APP: variants seen among roughly 807,000 people sequenced by gnomAD.
APP encodes the protein amyloid beta precursor protein, also known as amyloid-beta precursor protein.
Under a neutral mutation model 101.4 loss-of-function variants are expected in APP, and 31 were observed. The observed-to-expected ratio is 0.31, with a 90% CI of 0.23 to 0.41. The LOEUF (loss-of-function observed/expected upper bound fraction) is 0.41. Ranked by LOEUF, APP falls within the 10% of genes least tolerant of loss-of-function variation. The probability of loss-of-function intolerance (pLI) is 1.00; values close to 1 mark genes in which losing one functional copy is unlikely to be tolerated. For missense variants in APP, 839 were observed against 1,003.7 expected, an observed-to-expected ratio of 0.84 and a Z score of 2.22; for synonymous variants, 366 against 364.4, an observed-to-expected ratio of 1.00 and a Z score of -0.05.
At chr21:25,897,542 G>A (rs779336069) in intron 16 of APP, 31 bp downstream of exon 16, 7 of 1,504,034 alleles carry the variant, frequency 4.7e-6, no homozygotes, top group Non-Finnish European at 6.5e-6. Context: ...AAGACAAACA[G>A]TAGTGGAAAG....
intron 6 of APP, among the ~76,000 whole-genome samples, chr21:26,018,662 T>C (rs184731736): frequency 4.6e-5 from 7 of 152,338 alleles, no homozygotes; most frequent in Admixed American, 3.9e-4. Flanking sequence ...TTAGAGCTTT[T>C]GTTCAGGAGT....
At chr21:26,008,660 C>G (rs770266106) in intron 6 of APP, among the ~76,000 whole-genome samples, 2 of 152,130 alleles carry the variant, frequency 1.3e-5, no homozygotes, top group Non-Finnish European at 2.9e-5. Flanking sequence ...TACAGGCTAG[C>G]AGGAGTTGGC....
intron 8 of APP, among the ~76,000 whole-genome samples, chr21:25,994,941 C>T (rs2042996754): frequency 6.6e-6 from 1 of 152,212 alleles, no homozygotes; most frequent in African/African-American, 2.4e-5. Flanking sequence ...CCTTCACTTG[C>T]TGTGATTGAA....
At chr21:26,168,944 C>G (rs1292534079) in intron 1 of APP, among the ~76,000 whole-genome samples, 1 of 152,116 alleles carries the variant, frequency 6.6e-6, no homozygotes, top group African/African-American at 2.4e-5. Context: ...AGTGGAATTA[C>G]AGGAAAACAT....
At chr21:26,088,798 A>G (rs2146107182) in intron 3 of APP, among the ~76,000 whole-genome samples, 1 of 152,338 alleles carries the variant, frequency 6.6e-6, no homozygotes, top group Middle Eastern at 3.4e-3. Context: ...GGAAAAAGGA[A>G]ACTCTTGAAT....
intron 8 of APP, among the ~76,000 whole-genome samples, chr21:25,994,173 C>A (rs954699038): frequency 6.6e-6 from 1 of 152,114 alleles, no homozygotes; most frequent in East Asian, 1.9e-4. Flanking sequence ...ATAAATGAAT[C>A]CACAAATATT....
At chr21:26,002,778 A>G (rs989114045) in intron 6 of APP, among the ~76,000 whole-genome samples, 13 of 149,578 alleles carry the variant, frequency 8.7e-5, no homozygotes, top group Non-Finnish European at 1.5e-4. Flanking sequence ...GGCATTAAAA[A>G]AAAGTATCAT....
At chr21:26,119,110 C>T (rs963819839) in intron 1 of APP, among the ~76,000 whole-genome samples, 24 of 152,114 alleles carry the variant, frequency 1.6e-4, no homozygotes, top group Admixed American at 1.4e-3. Flanking sequence ...ATCAGAAGGG[C>T]TCAAAACCCG....
chr21:25,954,919 T>C (rs1294686312), intron 12 of APP, among the ~76,000 whole-genome samples: 1 of 45,240 alleles, frequency 2.2e-5, no homozygotes, highest in Non-Finnish European at 4.2e-5. Context: ...TGTTCTCCTA[T>C]TTCTGTTCTC....
At chr21:26,025,155 C>T (rs937504169) in intron 5 of APP, among the ~76,000 whole-genome samples, 2 of 152,118 alleles carry the variant, frequency 1.3e-5, no homozygotes, top group Admixed American at 6.5e-5. Context: ...AAGTTTACTA[C>T]GTGGGGCTAC....
chr21:26,108,193 G>T (rs770148251), intron 2 of APP, among the ~76,000 whole-genome samples: 2 of 152,148 alleles, frequency 1.3e-5, no homozygotes, highest in African/African-American at 4.8e-5. Flanking sequence ...TTTCCTCACT[G>T]CCACGTGAAA....
chr21:26,097,239 C>T (rs2061962506), intron 2 of APP, among the ~76,000 whole-genome samples: 1 of 152,148 alleles, frequency 6.6e-6, no homozygotes. Flanking sequence ...GATCCCTGAC[C>T]ACTTGCTACC....
intron 13 of APP, among the ~76,000 whole-genome samples, chr21:25,922,479 C>A (rs2039676621): frequency 1.5e-5 from 1 of 65,586 alleles, no homozygotes; most frequent in Admixed American, 2.1e-4. Flanking sequence ...CTAGAAAACC[C>A]CATTGTCTCA....
intron 6 of APP, among the ~76,000 whole-genome samples, chr21:26,013,644 T>C (rs906710795): frequency 6.6e-6 from 1 of 152,110 alleles, no homozygotes; most frequent in Non-Finnish European, 1.5e-5. Flanking sequence ...CTTCTGCTAT[T>C]CTATTTTTTT....
At chr21:26,007,467 CAATATATAATTAT>C (rs2043586814) in intron 6 of APP, among the ~76,000 whole-genome samples, 1 of 146,400 alleles carries the variant, frequency 6.8e-6, no homozygotes, top group Non-Finnish European at 1.5e-5. Flanking sequence ...CTATATATTA[CAATATATAATTAT>C]ATAATACAAT....
chr21:25,894,567 G>A (rs981085782), intron 16 of APP, among the ~76,000 whole-genome samples: 1 of 152,154 alleles, frequency 6.6e-6, no homozygotes, highest in Non-Finnish European at 1.5e-5. Flanking sequence ...CAGATGTGGT[G>A]GAAATAACAA....
At chr21:25,954,518 A>T in intron 13 of APP, 72 bp downstream of exon 13, 6 of 1,232,664 alleles carry the variant, frequency 4.9e-6, no homozygotes, top group Non-Finnish European at 7.1e-6. Context: ...CAAACAGATA[A>T]CTCACTTCCT....
chr21:26,106,257 C>A (rs1037998995), intron 2 of APP, among the ~76,000 whole-genome samples: 8 of 152,160 alleles, frequency 5.3e-5, no homozygotes, highest in Non-Finnish European at 1.2e-4. Flanking sequence ...GCAGTACTGA[C>A]CCTCGGTTCC....
chr21:26,132,602 T>C (rs1373859773), intron 1 of APP, among the ~76,000 whole-genome samples: 1 of 152,240 alleles, frequency 6.6e-6, no homozygotes, highest in Non-Finnish European at 1.5e-5. Flanking sequence ...TTCTGCTTTA[T>C]TACTTGGATA....
Sources: gnomAD v4.1 joint callset for allele counts (sites outside exome capture counted in the v4.1 genomes callset) on GRCh38, gnomAD v4.1.1 for gene constraint, MANE v1.5 for transcripts, NCBI Gene and HGNC (gene_info 2026-07-23, HGNC 2026-07-21) for gene names.